Variants in DNAH9 observed in about 807,000 individuals in gnomAD.
DNAH9 encodes the protein DNAH9 variant protein.
A neutral mutation model predicts 471.6 loss-of-function variants in DNAH9; 345 were observed. The ratio of observed to expected loss-of-function variants is 0.73; its 90% CI spans 0.67 to 0.80. DNAH9 has a LOEUF of 0.80. Ranked by LOEUF, DNAH9 falls within the 30% of genes least tolerant of loss-of-function variation. The probability of loss-of-function intolerance (pLI) is 0.00; values close to 1 mark genes in which losing one functional copy is unlikely to be tolerated. For missense variants in DNAH9, 5,407 were observed against 5,609.2 expected, an observed-to-expected ratio of 0.96 and a Z score of 1.15; for synonymous variants, 2,093 against 2,123.6, an observed-to-expected ratio of 0.99 and a Z score of 0.40.
chr17:11,748,451 A>AATG (rs1966992676), intron 32 of DNAH9, among the ~76,000 whole-genome samples: 1 of 152,156 alleles, frequency 6.6e-6, no homozygotes, highest in African/African-American at 2.4e-5. Flanking sequence ...TTGGGTAGGG[A>AATG]AGCCCACGGC....
rs945125021 is a variant in DNAH9 at position 11,607,731 on chromosome 17, G to A, written c.418-398G>A. Among the ~76,000 whole-genome samples, 40 of 152,056 alleles carry A rather than the reference G, an allele frequency of 2.6e-4. 1 individual carries two copies. The highest frequency in any genetic ancestry group is 8.0e-4 in the African/African-American group (33 of 41,494). ...ATCACAGGAACCCGCCACCACACCCGGCTAATTTTTGTATTTTTAGTAGAG... is the reference window on the plus strand; with the variant it reads ...ATCACAGGAACCCGCCACCACACCCAGCTAATTTTTGTATTTTTAGTAGAG... On this transcript the variant is annotated intron_variant, in intron 1 of 68. Coordinates refer to ENST00000262442, the MANE Select transcript of DNAH9 (RefSeq NM_001372.4).
chr17:11,644,587 ACTT>A (rs781436538), intron 10 of DNAH9, 41 bp from the exon 11 acceptor site: 17 of 1,428,570 alleles, frequency 1.2e-5, no homozygotes, highest in Admixed American at 3.4e-5. Flanking sequence ...TATTACTTTA[ACTT>A]CTTCTAATTC....
intron 43 of DNAH9, among the ~76,000 whole-genome samples, chr17:11,801,111 A>G (rs1969441351): frequency 6.6e-6 from 1 of 152,102 alleles, no homozygotes; most frequent in South Asian, 2.1e-4. Context: ...TGAAGAAGTA[A>G]AGTTTTGTTA....
chr17:11,733,876 A>AAAAAAAAC (rs1480994426), intron 28 of DNAH9, among the ~76,000 whole-genome samples: 3 of 151,330 alleles, frequency 2.0e-5, no homozygotes, highest in African/African-American at 7.3e-5. Flanking sequence ...AAAAAAAAAA[A>AAAAAAAAC]AAAGTAAAAC....
chr17:11,807,470 G>A (rs1450781889), intron 43 of DNAH9, among the ~76,000 whole-genome samples: 1 of 152,086 alleles, frequency 6.6e-6, no homozygotes, highest in African/African-American at 2.4e-5. Flanking sequence ...CTCATCCCCT[G>A]CAATCCTGCT....
At chr17:11,923,557 C>T (rs1974211873) in intron 61 of DNAH9, among the ~76,000 whole-genome samples, 2 of 151,554 alleles carry the variant, frequency 1.3e-5, no homozygotes, top group East Asian at 1.9e-4. Context: ...GTGATCCGCT[C>T]GCCTCGGCCT....
intron 14 of DNAH9, among the ~76,000 whole-genome samples, chr17:11,663,237 C>T (rs959863885): frequency 6.6e-6 from 1 of 152,178 alleles, no homozygotes; most frequent in African/African-American, 2.4e-5. Context: ...CAGCTTAGAG[C>T]ACTCTGCAAC....
chr17:11,690,812 T>C (rs2074322668), intron 20 of DNAH9, among the ~76,000 whole-genome samples: 1 of 152,168 alleles, frequency 6.6e-6, no homozygotes, highest in Non-Finnish European at 1.5e-5. Flanking sequence ...GCGAGTCTCG[T>C]TTCCAGGCAA....
At chr17:11,645,879 C>CTTT (rs760279719) in intron 11 of DNAH9, among the ~76,000 whole-genome samples, 9 of 70,608 alleles carry the variant, frequency 1.3e-4, no homozygotes, top group Non-Finnish European at 3.0e-4. Context: ...TTTTCTTTTT[C>CTTT]TTTTTTTTTT....
At chr17:11,649,140 A>G (rs1357796005) in intron 12 of DNAH9, among the ~76,000 whole-genome samples, 2 of 152,088 alleles carry the variant, frequency 1.3e-5, no homozygotes, top group Non-Finnish European at 2.9e-5. Flanking sequence ...AAAAAAAAAA[A>G]AAGAATGAAC....
intron 64 of DNAH9, among the ~76,000 whole-genome samples, chr17:11,933,648 G>A (rs1441728610): frequency 6.6e-6 from 1 of 152,108 alleles, no homozygotes; most frequent in Non-Finnish European, 1.5e-5. Flanking sequence ...CCAAAGTGCT[G>A]GAATTACAGG....
intron 67 of DNAH9, among the ~76,000 whole-genome samples, chr17:11,956,425 T>C (rs1402671013): frequency 6.6e-6 from 1 of 152,102 alleles, no homozygotes; most frequent in East Asian, 1.9e-4. Context: ...CAATATTTAG[T>C]AGAACAAGTA....
intron 57 of DNAH9, 54 bp from the exon 58 acceptor site, chr17:11,891,711 GGTAAGACCACTA>G (rs1973054310): frequency 1.3e-6 from 2 of 1,528,314 alleles, no homozygotes; most frequent in Non-Finnish European, 1.8e-6. Flanking sequence ...ATTCTTCGCA[GGTAAGACCACTA>G]GTGTATAGTA....
At chr17:11,936,868 T>C (rs1974729681) in intron 65 of DNAH9, among the ~76,000 whole-genome samples, 1 of 152,138 alleles carries the variant, frequency 6.6e-6, no homozygotes. Context: ...CCCAATTCAC[T>C]TGTTTATTTT....
At chr17:11,814,118 A>G (rs1970012275) in intron 45 of DNAH9, among the ~76,000 whole-genome samples, 2 of 152,214 alleles carry the variant, frequency 1.3e-5, no homozygotes, top group Non-Finnish European at 2.9e-5. Flanking sequence ...ATAATTCCTG[A>G]GGAATGTGCA....
chr17:11,860,837 A>G (rs1971818163), intron 50 of DNAH9, among the ~76,000 whole-genome samples: 1 of 152,164 alleles, frequency 6.6e-6, no homozygotes, highest in African/African-American at 2.4e-5. Flanking sequence ...CTGGGATTAC[A>G]GGGGTGAGCC....
At chr17:11,820,472 T>C (rs1256605799) in intron 45 of DNAH9, among the ~76,000 whole-genome samples, 3 of 152,146 alleles carry the variant, frequency 2.0e-5, no homozygotes, top group Non-Finnish European at 2.9e-5. Flanking sequence ...ACTGTCCTTG[T>C]TCGTTAACCT....
chr17:11,766,682 G>A (rs1382545349), intron 36 of DNAH9, among the ~76,000 whole-genome samples: 1 of 152,140 alleles, frequency 6.6e-6, no homozygotes, highest in Non-Finnish European at 1.5e-5. Context: ...AAGGATCATT[G>A]GGCTGGGTGC....
At chr17:11,879,741 T>C (rs1366181839) in intron 53 of DNAH9, among the ~76,000 whole-genome samples, 2 of 152,212 alleles carry the variant, frequency 1.3e-5, no homozygotes, top group South Asian at 2.1e-4. Context: ...AAAAACAGGT[T>C]ATAAAACAAA....
Sources: allele counts gnomAD v4.1 joint callset (sites outside exome capture counted in the v4.1 genomes callset), GRCh38; gene constraint gnomAD v4.1.1; transcripts MANE v1.5; gene names NCBI Gene and HGNC (gene_info 2026-07-23, HGNC 2026-07-21).